LRP5: variants seen among roughly 807,000 people sequenced by gnomAD.
LRP5 encodes the protein low-density lipoprotein receptor-related protein 5.
LRP5 carries 62 observed loss-of-function variants against 154.1 expected under a neutral mutation model. The observed-to-expected ratio is 0.40, with a 90% CI of 0.33 to 0.50. LRP5 has a LOEUF of 0.50. Among genes scored for constraint, LRP5 ranks in the 20% least tolerant of loss-of-function variants. The pLI, the probability that LRP5 is intolerant of heterozygous loss-of-function variation, is 0.55. For synonymous variants in LRP5, 966 were observed against 1,011.5 expected (o/e 0.96, Z 0.85); for missense variants, 1,915 against 2,336.7 (o/e 0.82, Z 3.72).
chr11:68,353,647 G>T lies in LRP5; in HGVS notation c.489-4003G>T, dbSNP rs538453272. Among the ~76,000 whole-genome samples, 20 of 152,170 alleles carry T rather than the reference G, an allele frequency of 1.3e-4. No homozygotes were observed. Among genetic ancestry groups the T allele is most frequent in the Non-Finnish European group, 1.2e-4 (8 of 68,012 alleles). ...GGCACACGGTTGCGAGGAGCATCTT[G>T]GCCTTCCTCCCGGCCCTGCTAGAGC... On this transcript the variant is annotated intron_variant, in intron 2 of 22. Transcript: ENST00000294304. This position sits in a 1 kb window ranked among gnomAD's most constrained non-coding sequence, Gnocchi z 4.5.
intron 1 of LRP5, among the ~76,000 whole-genome samples, chr11:68,320,858 CT>C (rs1232278636): frequency 6.6e-6 from 1 of 152,094 alleles, no homozygotes; most frequent in African/African-American, 2.4e-5. Context: ...TGGTCTGTAG[CT>C]AGTCCTTCAT....
At position 68,449,134 on chromosome 11, in the gene LRP5, A is replaced by G; in HGVS notation, c.*64A>G. 1 of 1,326,494 alleles carries G rather than the reference A, an allele frequency of 7.5e-7. No homozygotes were observed. The highest frequency in any genetic ancestry group is 2.4e-5 in the Admixed American group (1 of 41,144). 82.2% of individuals were successfully genotyped at this position (1,326,494 alleles called of 1,614,324 possible). ...AATAGTTTTAAATATGAACAAAGAA[A>G]AAAATATATTTTATGATTTAAAAAA... On this transcript the variant is annotated 3_prime_UTR_variant, in exon 23 of 23. Transcript: ENST00000294304.
At chr11:68,316,115 C>T (rs2098593237) in intron 1 of LRP5, among the ~76,000 whole-genome samples, 1 of 152,150 alleles carries the variant, frequency 6.6e-6, no homozygotes, top group Non-Finnish European at 1.5e-5. Flanking sequence ...TCCCCGGATC[C>T]CCTGGTGAAC....
chr11:68,389,766 C>T, intron 6 of LRP5, 115 bp from the exon 7 acceptor site: 1 of 1,012,742 alleles, frequency 9.9e-7, no homozygotes, highest in Non-Finnish European at 1.6e-6. Context: ...TTACTGACAT[C>T]AACATTTAGC....
rs1213796280 is a variant in LRP5 at position 68,432,521 on chromosome 11, A to T, written c.3764-1081A>T. Among the ~76,000 whole-genome samples, 4 of 152,368 alleles carry T rather than the reference A, an allele frequency of 2.6e-5. No individual in the cohort carries two copies. In the East Asian group the frequency reaches 7.7e-4, roughly 29 times the overall value. Reference sequence around the variant, plus strand: ...CAGTCCCTGTCACTCGGGTGAGCCCAGTAGTCATGGGGAAGGCCTGCGGGT... The same window carrying T: ...CAGTCCCTGTCACTCGGGTGAGCCCTGTAGTCATGGGGAAGGCCTGCGGGT... On this transcript the variant is annotated intron_variant, in intron 17 of 22. Coordinates refer to ENST00000294304, the MANE Select transcript of LRP5 (RefSeq NM_002335.4).
chr11:68,356,734 C>T (rs1245059050), intron 2 of LRP5, among the ~76,000 whole-genome samples: 1 of 152,144 alleles, frequency 6.6e-6, no homozygotes, highest in Non-Finnish European at 1.5e-5. Flanking sequence ...AGGATAGTTC[C>T]ACTGCCCTGA....
At position 68,448,794 on chromosome 11, in the gene LRP5, G is replaced by T. The variant is rs539199855; in HGVS notation, c.4587-15G>T. ...TGCCTACCGAATCCCACTCCTCTGTGTGTGTCCCTTTCAGGCCCTACATCA... is the reference window on the plus strand; with the variant it reads ...TGCCTACCGAATCCCACTCCTCTGTTTGTGTCCCTTTCAGGCCCTACATCA... On this transcript the variant is annotated splice_polypyrimidine_tract_variant and intron_variant, in intron 22 of 22. Coordinates refer to ENST00000294304, the MANE Select transcript of LRP5 (RefSeq NM_002335.4). 1.5e-5 allele frequency: 24 copies of T among 1,602,478 alleles called. 1 individual carries two copies. The South Asian group carries it at 2.5e-4, about 17-fold the overall frequency.
At position 68,365,596 on chromosome 11, in the gene LRP5, T is replaced by C. The variant is rs2098630546; in HGVS notation, c.909T>C (p.Asn303=). The change falls in exon 5 of 23, where the codon AAT becomes AAC. Residue 303 remains asparagine (N), a synonymous_variant. Transcript: ENST00000294304. The part of the protein sequence containing the change: ...PFFHTRCEED[N]GGCSHLCLLS... The stretch of plus-strand genomic sequence containing the variant: ...TCCACACTCGCTGTGAGGAGGACAA[T>C]GGCGGCTGCTCCCACCTGTGCCTGC... 2.5e-6 allele frequency: 4 copies of C among 1,613,814 alleles called. No individual in the cohort carries two copies. Among genetic ancestry groups the C allele is most frequent in the East Asian group, 4.5e-5 (2 of 44,878 alleles).
intron 1 of LRP5, among the ~76,000 whole-genome samples, chr11:68,317,633 G>A (rs1310365791): frequency 6.6e-6 from 1 of 152,238 alleles, no homozygotes; most frequent in Non-Finnish European, 1.5e-5. Context: ...TAGGCATGTG[G>A]GTGGCGCTCT....
chr11:68,324,914 G>A lies in LRP5; in HGVS notation c.91+12109G>A, dbSNP rs530215684. On this transcript the variant is annotated intron_variant, in intron 1 of 22. Transcript: ENST00000294304. ...TCTGGCACGCCACTGGGTGCTAGGC[G>A]CTGGGCTCTGGGCGGCCTCCTTGCT... Among the ~76,000 whole-genome samples the A allele has an allele frequency of 7.2e-5, 11 of 152,342 alleles. No homozygotes were observed. In the South Asian group the frequency reaches 1.0e-3, roughly 14 times the overall value.
intron 5 of LRP5, among the ~76,000 whole-genome samples, chr11:68,378,413 C>T (rs1022654308): frequency 2.0e-5 from 3 of 151,970 alleles, no homozygotes; most frequent in Non-Finnish European, 4.4e-5. Context: ...CCCTGGACAC[C>T]GAATGAGCCG....
chr11:68,437,923 G>T (rs796095092), intron 19 of LRP5, among the ~76,000 whole-genome samples: 1 of 152,234 alleles, frequency 6.6e-6, no homozygotes, highest in African/African-American at 2.4e-5. Flanking sequence ...CCTCAGGATC[G>T]CTGGGCCGGC....
intron 13 of LRP5, among the ~76,000 whole-genome samples, chr11:68,418,641 A>G (rs1306890150): frequency 2.0e-5 from 3 of 152,104 alleles, no homozygotes; most frequent in Admixed American, 6.5e-5. Context: ...TTCCTCCCGC[A>G]GCAGTTTCTA....
chr11:68,386,806 C>G lies in LRP5; in HGVS notation c.1412+94C>G. 2.1e-6 allele frequency: 3 copies of G among 1,399,346 alleles called. No individual in the cohort carries two copies. Among genetic ancestry groups the G allele is most frequent in the Non-Finnish European group, 2.9e-6 (3 of 1,038,832 alleles). The allele number at this position is 1,399,346 out of a possible 1,614,324, so 86.7% of individuals were successfully genotyped here. Reference sequence around the variant, plus strand: ...TGGACCTGTCATTCTGGGACACTGTCTTGCATCAGAACCCGGAGGAGGGCT... The same window carrying G: ...TGGACCTGTCATTCTGGGACACTGTGTTGCATCAGAACCCGGAGGAGGGCT... On this transcript the variant is annotated intron_variant, in intron 6 of 22. Coordinates refer to ENST00000294304, the MANE Select transcript of LRP5 (RefSeq NM_002335.4). This position sits in a 1 kb window ranked among gnomAD's most constrained non-coding sequence, Gnocchi z 7.9.
upstream of LRP5, among the ~76,000 whole-genome samples, chr11:68,312,429 AGGGGCCGCGGGGACCTGCGCCGCT>A (rs1421179027): frequency 6.7e-6 from 1 of 149,232 alleles, no homozygotes; most frequent in Non-Finnish European, 1.5e-5. Context: ...GAGCGCGGGG[AGGGGCCGCGGGGACCTGCGCCGCT>A]GGGGCCGCCT....
At chr11:68,401,427 G>A (rs1047319186) in intron 7 of LRP5, among the ~76,000 whole-genome samples, 1 of 152,178 alleles carries the variant, frequency 6.6e-6, no homozygotes, top group African/African-American at 2.4e-5. Context: ...GTTGGGAGCT[G>A]TTATCATGAT....
intron 21 of LRP5, among the ~76,000 whole-genome samples, chr11:68,445,333 C>G: frequency 6.6e-6 from 1 of 152,122 alleles, no homozygotes; most frequent in East Asian, 1.9e-4. Context: ...CTCCTGACCT[C>G]AAGTGATCCG....
Position 68,449,058 on chromosome 11 carries a change from G to A in LRP5, c.4836G>A (p.Thr1612=), listed in dbSNP as rs765958012. 4.5e-6 allele frequency: 7 copies of A among 1,558,676 alleles called. No homozygotes were observed. The East Asian group carries it at 6.8e-5, about 15-fold the overall frequency. ...HLFPPPPSPC[T]DSS is the part of the protein sequence containing the mutation. ...TCCCGCCCCCTCCGTCCCCCTGCAC[G>A]GACTCATCCTGACCTCGGCCGGGCC... The change falls in exon 23 of 23, where the codon ACG becomes ACA. Residue 1612 remains threonine (T), a synonymous_variant. Coordinates refer to ENST00000294304, the MANE Select transcript of LRP5 (RefSeq NM_002335.4).
At chr11:68,361,865 G>C (rs1041160832) in intron 3 of LRP5, among the ~76,000 whole-genome samples, 2 of 152,138 alleles carry the variant, frequency 1.3e-5, no homozygotes, top group African/African-American at 2.4e-5. Flanking sequence ...ACAGTTTGTT[G>C]ATTCCTTGAG....
Sources: allele counts gnomAD v4.1 joint callset (sites outside exome capture counted in the v4.1 genomes callset), GRCh38; gene constraint gnomAD v4.1.1; non-coding constraint Gnocchi (gnomAD v3.1); transcripts MANE v1.5; gene names NCBI Gene and HGNC (gene_info 2026-07-23, HGNC 2026-07-21).